The following NCBP2L variants were observed in gnomAD, a reference collection of about 807,000 sequenced individuals.
The protein encoded by NCBP2L is nuclear cap-binding protein subunit 2-like.
For missense variants in NCBP2L, 95 were observed against 53.1 expected (o/e 1.79, Z -2.45); for synonymous variants, 39 against 19.2 (o/e 2.04, Z -2.70).
chrX:107,779,119 T>C (rs2147804294), intron 1 of NCBP2L, among the ~76,000 whole-genome samples: 1 of 111,905 alleles, frequency 8.9e-6, no homozygotes, highest in African/African-American at 3.3e-5. Flanking sequence ...GAATAAAATG[T>C]GAGACATGGA....
At chrX:107,781,031 G>T (rs923304353) in intron 1 of NCBP2L, among the ~76,000 whole-genome samples, 3 of 110,213 alleles carry the variant, frequency 2.7e-5, no homozygotes, top group African/African-American at 9.9e-5. Flanking sequence ...GGCTCCAGGG[G>T]TCCTCCTGCC....
At chrX:107,782,226 T>TATATATATAA (rs1930311437) in intron 1 of NCBP2L, among the ~76,000 whole-genome samples, 1 of 19,236 alleles carries the variant, frequency 5.2e-5, no homozygotes, top group Non-Finnish European at 7.7e-5. Flanking sequence ...TATATAAATA[T>TATATATATAA]ATATATATAA....
intron 1 of NCBP2L, among the ~76,000 whole-genome samples, chrX:107,792,429 C>T (rs1930465711): frequency 9.0e-6 from 1 of 110,621 alleles, no homozygotes; most frequent in Non-Finnish European, 1.9e-5. Context: ...AATGAGTTTC[C>T]AGTGGTATAC....
At position 107,792,761 on chromosome X, in the gene NCBP2L, T is replaced by A. The variant is rs143952923; in HGVS notation, c.-72-1388T>A. Among the ~76,000 whole-genome samples the A allele has an allele frequency of 3.1e-3, 351 of 111,747 alleles. 1 individual carries two copies. Among genetic ancestry groups the A allele is most frequent in the African/African-American group, 0.011 (334 of 30,708 alleles). ...CATGCAGTCCCTTCTCCAGAAGCCT[T>A]CTCTGTTGTCCCCAGGCTGAGGTAA... On this transcript the variant is annotated intron_variant, in intron 1 of 1. Coordinates refer to ENST00000509000, the MANE Select transcript of NCBP2L (RefSeq NM_001348372.2).
chrX:107,789,566 T>TA (rs1930426496), intron 1 of NCBP2L, among the ~76,000 whole-genome samples: 1 of 111,707 alleles, frequency 9.0e-6, no homozygotes, highest in African/African-American at 3.3e-5. Context: ...ACACCACTGT[T>TA]ATTTCTCTTT....
Position 107,794,863 on chromosome X carries a change from T to G in NCBP2L, c.*181T>G. 1 of 374,546 alleles carries G rather than the reference T, an allele frequency of 2.7e-6. No individual in the cohort carries two copies. Among genetic ancestry groups the G allele is most frequent in the Non-Finnish European group, 4.7e-6 (1 of 213,016 alleles). 30.9% of individuals were successfully genotyped at this position (374,546 alleles called of 1,213,427 possible). On this transcript the variant is annotated 3_prime_UTR_variant, in exon 2 of 2. Transcript: ENST00000509000. ...AATCCATTTGTTTTTGTCTGAATTTTGAAGATGCTTTTCAGATTACCAGTT... is the reference window on the plus strand; with the variant it reads ...AATCCATTTGTTTTTGTCTGAATTTGGAAGATGCTTTTCAGATTACCAGTT...
At chrX:107,781,334 C>G (rs1355064925) in intron 1 of NCBP2L, among the ~76,000 whole-genome samples, 2 of 107,902 alleles carry the variant, frequency 1.9e-5, no homozygotes, top group Admixed American at 9.9e-5. Flanking sequence ...GTCCTCCCAA[C>G]TCAGCCTTCT....
chrX:107,790,740 G>A (rs1457298273), intron 1 of NCBP2L, among the ~76,000 whole-genome samples: 1 of 111,691 alleles, frequency 9.0e-6, no homozygotes, highest in Non-Finnish European at 1.9e-5. Flanking sequence ...TGGGGCACAG[G>A]AGTGGGAAGA....
intron 1 of NCBP2L, among the ~76,000 whole-genome samples, chrX:107,782,514 T>C (rs1234735683): frequency 1.0e-5 from 1 of 98,895 alleles, no homozygotes; most frequent in Non-Finnish European, 2.0e-5. Context: ...AAGTGAACAA[T>C]ACAGTATTGT....
At chrX:107,784,435 A>G (rs759175162) in intron 1 of NCBP2L, among the ~76,000 whole-genome samples, 3 of 111,051 alleles carry the variant, frequency 2.7e-5, no homozygotes, top group African/African-American at 9.8e-5. Context: ...GCAATTTGTT[A>G]CATGTTACAT....
At chrX:107,790,952 C>T (rs1930444391) in intron 1 of NCBP2L, among the ~76,000 whole-genome samples, 1 of 111,837 alleles carries the variant, frequency 8.9e-6, no homozygotes, top group Middle Eastern at 4.6e-3. Flanking sequence ...CTACTGTGTG[C>T]TCCTGTGATT....
At chrX:107,780,982 A>C (rs1433602720) in intron 1 of NCBP2L, among the ~76,000 whole-genome samples, 1 of 110,218 alleles carries the variant, frequency 9.1e-6, no homozygotes, top group Non-Finnish European at 1.9e-5. Context: ...GCTGGAGTGC[A>C]GTGGTACAAT....
chrX:107,793,937 G>A (rs781530481), intron 1 of NCBP2L, among the ~76,000 whole-genome samples: 1 of 112,279 alleles, frequency 8.9e-6, no homozygotes, highest in East Asian at 2.8e-4. Flanking sequence ...ACCAAAGACA[G>A]CACAACTTCC....
intron 1 of NCBP2L, among the ~76,000 whole-genome samples, chrX:107,790,024 C>G (rs1391572394): frequency 9.0e-6 from 1 of 110,884 alleles, no homozygotes; most frequent in African/African-American, 3.3e-5. Context: ...CAAGACCAAA[C>G]TCAGTATGTT....
rs1007524479 is a variant in NCBP2L at position 107,794,320 on chromosome X, T to C, written c.100T>C (p.Leu34=). 1.1e-5 allele frequency: 6 copies of C among 568,052 alleles called. No homozygotes were observed. In the African/African-American group the frequency reaches 1.3e-4, roughly 13 times the overall value. 46.8% of individuals were successfully genotyped at this position (568,052 alleles called of 1,213,427 possible). ...TGGCCGTAAATTTCAGCAGGAAAAA[T>C]TACTGAAGGAAAGCTCCACATTGAA... ...FSGRKFQQEK[L]LKESSTLNMG... is the part of the protein sequence containing the mutation. Residue 34 remains leucine, a synonymous_variant, in exon 2 of 2, where the codon TTA becomes CTA. Coordinates refer to ENST00000509000, the MANE Select transcript of NCBP2L (RefSeq NM_001348372.2).
intron 1 of NCBP2L, among the ~76,000 whole-genome samples, chrX:107,790,522 A>G (rs1049516563): frequency 5.4e-5 from 6 of 110,635 alleles, no homozygotes; most frequent in Non-Finnish European, 1.1e-4. Context: ...TTCCAATCTT[A>G]TCTCCTATCA....
chrX:107,793,020 G>A (rs1322638710), intron 1 of NCBP2L, among the ~76,000 whole-genome samples: 2 of 112,112 alleles, frequency 1.8e-5, no homozygotes, highest in Non-Finnish European at 3.8e-5. Context: ...GGTGTACAAG[G>A]CATTGTTCAT....
chrX:107,782,298 TAA>T (rs1930323771), intron 1 of NCBP2L, among the ~76,000 whole-genome samples: 1 of 31,209 alleles, frequency 3.2e-5, no homozygotes, highest in African/African-American at 3.8e-4. Context: ...TATATATATA[TAA>T]ATATATATAT....
At chrX:107,786,389 A>G (rs1930393692) in intron 1 of NCBP2L, among the ~76,000 whole-genome samples, 1 of 112,172 alleles carries the variant, frequency 8.9e-6, no homozygotes. Flanking sequence ...TTGCAATGAC[A>G]AAGTAGGAAA....
Sources: allele counts gnomAD v4.1 joint callset (sites outside exome capture counted in the v4.1 genomes callset), GRCh38; gene constraint gnomAD v4.1.1; transcripts MANE v1.5; gene names NCBI Gene and HGNC (gene_info 2026-07-23, HGNC 2026-07-21).